MICU1: variants seen among roughly 807,000 people sequenced by gnomAD.
The protein encoded by MICU1 is mitochondrial calcium uptake 1.
In MICU1, 45 loss-of-function variants were observed where a neutral mutation model predicts 56.8. That is an observed-to-expected ratio of 0.79 (90% CI 0.62 to 1.02). The LOEUF (loss-of-function observed/expected upper bound fraction) is 1.02, where lower values mean the gene tolerates loss of function less well. MICU1 is among the 50% of genes least tolerant of loss of function. The pLI is 0.00. For synonymous variants in MICU1, 186 were observed against 195.1 expected (o/e 0.95, Z 0.39); for missense variants, 504 against 587.1 (o/e 0.86, Z 1.46).
intron 5 of MICU1, among the ~76,000 whole-genome samples, chr10:72,518,925 C>T (rs569320226): frequency 1.3e-5 from 2 of 152,308 alleles, no homozygotes; most frequent in African/African-American, 4.8e-5. Flanking sequence ...AAGTGATCTG[C>T]CCGTCTCGTC....
At chr10:72,383,100 G>T (rs61852401) in intron 10 of MICU1, among the ~76,000 whole-genome samples, 1,855 of 152,166 alleles carry the variant, frequency 0.012, 37 homozygotes, top group African/African-American at 0.042. Flanking sequence ...AAAAACATTA[G>T]TTGGGCACGA....
In MICU1 at chr10:72,367,951, G is replaced by A; in HGVS notation, c.*244C>T. On this transcript the variant is annotated 3_prime_UTR_variant, in exon 12 of 12. Transcript: ENST00000361114. ...GGTGGTGCTGTTGAGGCTGACAAAT[G>A]TCTGAGCTTTACAGACTTGTTCATG... 2.3e-6 allele frequency: 1 copy of A among 442,136 alleles called. No homozygotes were observed. Among genetic ancestry groups the A allele is most frequent in the Non-Finnish European group, 4.0e-6 (1 of 247,358 alleles). 27.4% of individuals were successfully genotyped at this position (442,136 alleles called of 1,614,324 possible). A position where few individuals can be genotyped will look rare whatever the true frequency, so the allele number is the denominator to read the frequency against.
chr10:72,451,340 T>C (rs1207860285), intron 8 of MICU1, among the ~76,000 whole-genome samples: 1 of 152,094 alleles, frequency 6.6e-6, no homozygotes, highest in African/African-American at 2.4e-5. Flanking sequence ...TTAAATTGTT[T>C]TTAATATCAT....
At chr10:72,495,810 T>C (rs184637174) in intron 6 of MICU1, among the ~76,000 whole-genome samples, 172 of 152,248 alleles carry the variant, frequency 1.1e-3, no homozygotes, top group Non-Finnish European at 1.7e-3. Context: ...CAGAAAAATT[T>C]AGACAGTCTA....
intron 5 of MICU1, among the ~76,000 whole-genome samples, chr10:72,517,027 G>T (rs1483027679): frequency 6.6e-6 from 1 of 152,130 alleles, no homozygotes; most frequent in African/African-American, 2.4e-5. Context: ...CTCTGAGGAA[G>T]ATTCTTAAAA....
In MICU1 at chr10:72,369,420, C is replaced by T. The variant is rs141033013; in HGVS notation, c.1271-1065G>A. ...TGGAACATCAGAAAAAAACTGGAAG[C>T]AGGGGAGTAAGAAGCAGGCAGATTT... is the stretch of plus-strand genomic sequence containing the variant. On this transcript the variant is annotated intron_variant, in intron 11 of 11. Coordinates refer to ENST00000361114, the MANE Select transcript of MICU1 (RefSeq NM_001195518.2). 9.7e-3 allele frequency among the ~76,000 whole-genome samples: 1,475 copies of T among 151,970 alleles called. 5 individuals carry two copies. The highest frequency in any genetic ancestry group is 0.016 in the Admixed American group (242 of 15,266).
chr10:72,537,495 A>G (rs1358804617), intron 4 of MICU1, among the ~76,000 whole-genome samples: 2 of 152,138 alleles, frequency 1.3e-5, no homozygotes, highest in East Asian at 1.9e-4. Flanking sequence ...GAAACACCAG[A>G]CTATAGCTAT....
At chr10:72,588,454 C>A (rs1489587248) in intron 1 of MICU1, among the ~76,000 whole-genome samples, 10 of 152,076 alleles carry the variant, frequency 6.6e-5, no homozygotes, top group African/African-American at 1.9e-4. Flanking sequence ...AAAGCCAGTA[C>A]CTTCTTGAAT....
intron 1 of MICU1, among the ~76,000 whole-genome samples, chr10:72,568,521 C>T (rs1840503027): frequency 6.6e-6 from 1 of 151,976 alleles, no homozygotes; most frequent in Admixed American, 6.6e-5. Flanking sequence ...AGACCATGTC[C>T]CAAAGAGACA....
intron 6 of MICU1, among the ~76,000 whole-genome samples, chr10:72,506,674 T>G (rs907363476): frequency 5.3e-5 from 8 of 152,208 alleles, no homozygotes; most frequent in African/African-American, 1.9e-4. Flanking sequence ...CATGATGTCA[T>G]CATTCTCAAA....
chr10:72,388,908 C>T (rs1399894522), intron 10 of MICU1, among the ~76,000 whole-genome samples: 1 of 152,226 alleles, frequency 6.6e-6, no homozygotes, highest in Non-Finnish European at 1.5e-5. Context: ...TTTTCCACCA[C>T]TAAGCTGGAT....
intron 1 of MICU1, among the ~76,000 whole-genome samples, chr10:72,587,464 CAAAAAA>C (rs35303837): frequency 1.5e-4 from 14 of 92,868 alleles, no homozygotes; most frequent in Middle Eastern, 5.8e-3. Flanking sequence ...CAGCATGTCT[CAAAAAA>C]AAAAAAAAAA....
At chr10:72,463,898 A>G (rs1865710112) in intron 8 of MICU1, among the ~76,000 whole-genome samples, 1 of 152,160 alleles carries the variant, frequency 6.6e-6, no homozygotes, top group Admixed American at 6.6e-5. Context: ...CAGATGTACC[A>G]TTTTTTAAAA....
At chr10:72,454,796 A>AC (rs1359643450) in intron 8 of MICU1, among the ~76,000 whole-genome samples, 1 of 149,204 alleles carries the variant, frequency 6.7e-6, no homozygotes, top group Non-Finnish European at 1.5e-5. Flanking sequence ...AAAAAAAAAA[A>AC]AACAAAAAAC....
chr10:72,470,248 C>T (rs1865910455), intron 8 of MICU1, among the ~76,000 whole-genome samples: 1 of 152,180 alleles, frequency 6.6e-6, no homozygotes, highest in Non-Finnish European at 1.5e-5. Flanking sequence ...TGCTGCTAGT[C>T]ACGCTTCCTC....
At chr10:72,448,188 TA>T (rs1564875095) in intron 8 of MICU1, among the ~76,000 whole-genome samples, 59 of 77,200 alleles carry the variant, frequency 7.6e-4, no homozygotes, top group African/African-American at 2.5e-3. Context: ...TATATATATA[TA>T]TATATTTTTT....
At chr10:72,601,020 A>G (rs1841518310) in intron 1 of MICU1, among the ~76,000 whole-genome samples, 1 of 152,314 alleles carries the variant, frequency 6.6e-6, no homozygotes, top group East Asian at 1.9e-4. Flanking sequence ...GGGAAGAAGA[A>G]GTTGTGATCA....
At chr10:72,389,336 T>C (rs182550425) in intron 10 of MICU1, among the ~76,000 whole-genome samples, 1 of 152,338 alleles carries the variant, frequency 6.6e-6, no homozygotes, top group African/African-American at 2.4e-5. Flanking sequence ...GCTGCAAAGG[T>C]TCTCAGAGGT....
At chr10:72,381,531 G>A (rs776040507) in intron 10 of MICU1, among the ~76,000 whole-genome samples, 12 of 152,144 alleles carry the variant, frequency 7.9e-5, no homozygotes, top group Admixed American at 3.3e-4. Context: ...AGCAATTTAA[G>A]GAGCCAAGAG....
Sources: allele counts gnomAD v4.1 joint callset (sites outside exome capture counted in the v4.1 genomes callset), GRCh38; gene constraint gnomAD v4.1.1; transcripts MANE v1.5; gene names NCBI Gene and HGNC (gene_info 2026-07-23, HGNC 2026-07-21).